GADL1: variants seen among roughly 807,000 people sequenced by gnomAD.
The protein encoded by GADL1 is acidic amino acid decarboxylase GADL1.
Under a neutral mutation model 69.5 loss-of-function variants are expected in GADL1, and 71 were observed. The ratio of observed to expected loss-of-function variants is 1.02; its 90% CI spans 0.84 to 1.25. The LOEUF is 1.25. GADL1 is among the 50% of genes most tolerant of loss of function. GADL1 has a pLI of 0.00. For synonymous variants in GADL1, 254 were observed against 214.4 expected (o/e 1.18, Z -1.62); for missense variants, 737 against 631.8 (o/e 1.17, Z -1.79).
chr3:30,832,081 CAG>C (rs1485733513), intron 11 of GADL1, among the ~76,000 whole-genome samples: 1 of 151,744 alleles, frequency 6.6e-6, no homozygotes, highest in Non-Finnish European at 1.5e-5. Flanking sequence ...AAGAGAGTAA[CAG>C]AGGCAGAAAC....
Position 30,839,102 on chromosome 3 carries a change from CG to C in GADL1, c.797del (p.Pro266ArgfsTer22). 6.3e-7 allele frequency: 1 copy of C among 1,585,350 alleles called. No homozygotes were observed. Among genetic ancestry groups the C allele is most frequent in the Admixed American group, 1.8e-5 (1 of 55,048 alleles). On this transcript the variant is annotated frameshift_variant, in exon 9 of 15. Transcript: ENST00000282538. LOFTEE classifies it high-confidence loss of function. Reference sequence around the variant, plus strand: ...TACCAGAAGTGGCACAGACAAGAAACGGTGCTGCCCCCTGTAAGAAGGATCC... The same window carrying C: ...TACCAGAAGTGGCACAGACAAGAAACGTGCTGCCCCCTGTAAGAAGGATCC... ...VWQARKEGAA[P>X]FLVCATSGTT...
At position 30,816,239 on chromosome 3, in the gene GADL1, C is replaced by G. The variant is rs551356648; in HGVS notation, c.1051-15151G>C. On this transcript the variant is annotated intron_variant, in intron 11 of 14. Coordinates refer to ENST00000282538, the MANE Select transcript of GADL1 (RefSeq NM_207359.3). ...ATGCATCCTGGAAAAGCAGAAAGGC[C>G]CCCTGGAAGAGTTGAGGCTTGAGCC... Among the ~76,000 whole-genome samples, 126 of 152,044 alleles carry G rather than the reference C, an allele frequency of 8.3e-4. 1 individual carries two copies. Among genetic ancestry groups the G allele is most frequent in the African/African-American group, 3.0e-3 (124 of 41,464 alleles).
chr3:30,894,537 G>C (rs1698831027), intron 1 of GADL1, 41 bp downstream of exon 1: 2 of 1,512,012 alleles, frequency 1.3e-6, no homozygotes, highest in African/African-American at 2.8e-5. Flanking sequence ...CCCAGACAGG[G>C]GAGGTTAAGG....
At chr3:30,856,351 A>T (rs1698230668) in intron 3 of GADL1, among the ~76,000 whole-genome samples, 1 of 152,100 alleles carries the variant, frequency 6.6e-6, no homozygotes, top group Non-Finnish European at 1.5e-5. Flanking sequence ...CAGGATATTA[A>T]CAGGTAAGCT....
At chr3:30,760,819 A>G (rs1696108517) in intron 14 of GADL1, among the ~76,000 whole-genome samples, 1 of 152,140 alleles carries the variant, frequency 6.6e-6, no homozygotes, top group African/African-American at 2.4e-5. Context: ...GGGCAGGGTG[A>G]TGATGGGCAG....
chr3:30,890,282 A>T (rs1481652444), intron 1 of GADL1, among the ~76,000 whole-genome samples: 2 of 152,186 alleles, frequency 1.3e-5, no homozygotes, highest in Non-Finnish European at 1.5e-5. Flanking sequence ...GAACAAACAC[A>T]TGTTAAATAT....
intron 1 of GADL1, among the ~76,000 whole-genome samples, chr3:30,865,982 G>T (rs905640169): frequency 6.7e-6 from 1 of 149,220 alleles, no homozygotes. Context: ...GAGATACATT[G>T]TTCTCCCTTG....
At chr3:30,784,439 G>A (rs2125498879) in intron 13 of GADL1, among the ~76,000 whole-genome samples, 1 of 144,636 alleles carries the variant, frequency 6.9e-6, no homozygotes, top group East Asian at 2.0e-4. Flanking sequence ...TGTCTTTATA[G>A]TACTACCAGA....
chr3:30,878,649 C>T (rs1200093213), intron 1 of GADL1, among the ~76,000 whole-genome samples: 1 of 151,862 alleles, frequency 6.6e-6, no homozygotes, highest in African/African-American at 2.4e-5. Context: ...CAGCTTTGAA[C>T]ATATTTACCT....
At chr3:30,770,688 G>A (rs1254185426) in intron 14 of GADL1, among the ~76,000 whole-genome samples, 2 of 152,106 alleles carry the variant, frequency 1.3e-5, no homozygotes, top group Non-Finnish European at 1.5e-5. Flanking sequence ...GTCTCATCCT[G>A]ACCTCAGGCC....
At chr3:30,773,765 T>C (rs304819) in intron 14 of GADL1, among the ~76,000 whole-genome samples, 128,473 of 152,172 alleles carry the variant, frequency 0.84, 54,454 homozygotes, top group African/African-American at 0.89. Context: ...TAGCTTCTCC[T>C]CCATATTTCT....
At chr3:30,781,554 A>G (rs1559497986) in intron 13 of GADL1, among the ~76,000 whole-genome samples, 1 of 152,204 alleles carries the variant, frequency 6.6e-6, no homozygotes, top group Admixed American at 6.5e-5. Context: ...ATTGACTTCA[A>G]GCTTATAGGT....
intron 12 of GADL1, among the ~76,000 whole-genome samples, chr3:30,790,860 C>T (rs1183960402): frequency 6.6e-6 from 1 of 152,006 alleles, no homozygotes; most frequent in South Asian, 2.1e-4. Context: ...AAAATGCGGA[C>T]TATAGCAACA....
At chr3:30,797,676 T>TTTTG (rs1697071459) in intron 12 of GADL1, 2 of 151,328 alleles carry the variant, frequency 1.3e-5, no homozygotes, top group Non-Finnish European at 2.9e-5. Flanking sequence ...TTTTGTTTTT[T>TTTTG]TTTTGTTTTT....
intron 3 of GADL1, among the ~76,000 whole-genome samples, chr3:30,856,333 T>A (rs1273039288): frequency 1.3e-5 from 2 of 152,114 alleles, no homozygotes; most frequent in Non-Finnish European, 2.9e-5. Context: ...ACTTGTTCGC[T>A]GGATGAACAG....
In GADL1 at chr3:30,798,117, G is replaced by T. The variant is rs554663338; in HGVS notation, c.1250+2772C>A. The T allele has an allele frequency of 5.3e-5, 8 of 152,238 alleles. No individual in the cohort carries two copies. The South Asian group carries it at 8.3e-4, about 16-fold the overall frequency. 9.4% of individuals were successfully genotyped at this position (152,238 alleles called of 1,614,324 possible). On this transcript the variant is annotated intron_variant, in intron 12 of 14. Transcript: ENST00000282538. ...CTTTCCCTTCGAGACTTAAGCTGCC[G>T]CCACAACTCACAGATCATTTGCTTT...
chr3:30,794,024 A>G (rs564715105), intron 12 of GADL1, among the ~76,000 whole-genome samples: 1 of 152,222 alleles, frequency 6.6e-6, no homozygotes, highest in African/African-American at 2.4e-5. Context: ...TTTTAAAAAG[A>G]TCACCAATAT....
chr3:30,759,903 G>C (rs1044254402), intron 14 of GADL1, among the ~76,000 whole-genome samples: 1 of 152,142 alleles, frequency 6.6e-6, no homozygotes, highest in African/African-American at 2.4e-5. Context: ...AGGTGGACTT[G>C]TGCTCTATGC....
intron 14 of GADL1, among the ~76,000 whole-genome samples, chr3:30,763,223 G>A (rs1320554908): frequency 6.6e-6 from 1 of 152,136 alleles, no homozygotes; most frequent in African/African-American, 2.4e-5. Context: ...TATTGGCCAG[G>A]AACAGTGGCT....
Sources: allele counts gnomAD v4.1 joint callset (sites outside exome capture counted in the v4.1 genomes callset), GRCh38; gene constraint gnomAD v4.1.1; transcripts MANE v1.5; gene names NCBI Gene and HGNC (gene_info 2026-07-23, HGNC 2026-07-21).